Variants in CHIA observed in about 807,000 individuals in gnomAD.
CHIA encodes acidic mammalian chitinase.
CHIA carries 47 observed loss-of-function variants against 53.5 expected under a neutral mutation model. The observed-to-expected ratio is 0.88, with a 90% CI of 0.70 to 1.12. The LOEUF (loss-of-function observed/expected upper bound fraction) is 1.12, where lower values mean the gene tolerates loss of function less well. CHIA is among the 50% of genes most tolerant of loss of function. The pLI, the probability that CHIA is intolerant of heterozygous loss-of-function variation, is 0.00. For synonymous variants in CHIA, 268 were observed against 222.2 expected (o/e 1.21, Z -1.83); for missense variants, 652 against 592.2 (o/e 1.10, Z -1.05).
intron 4 of CHIA, among the ~76,000 whole-genome samples, chr1:111,312,608 A>T (rs1315246243): frequency 6.6e-6 from 1 of 152,232 alleles, no homozygotes; most frequent in Non-Finnish European, 1.5e-5. Flanking sequence ...CAATCGAACT[A>T]TCAACATATG....
At chr1:111,314,924 G>T (rs188718187) in intron 5 of CHIA, 26 of 378,250 alleles carry the variant, frequency 6.9e-5, no homozygotes, top group Admixed American at 3.8e-4. Flanking sequence ...ATCTTCTGGT[G>T]GGGGGAGGAA....
chr1:111,302,614 C>G (rs1444727811), intron 1 of CHIA, among the ~76,000 whole-genome samples: 1 of 152,098 alleles, frequency 6.6e-6, no homozygotes, highest in African/African-American at 2.4e-5. Context: ...GGAGAAGATA[C>G]TTTGTATGAT....
intron 2 of CHIA, 84 bp from the exon 3 acceptor site, chr1:111,311,605 T>C (rs1374749762): frequency 4.6e-6 from 7 of 1,506,492 alleles, no homozygotes; most frequent in Non-Finnish European, 5.5e-6. Flanking sequence ...TTATGGCAAA[T>C]TGGAAGGCAA....
chr1:111,295,858 A>C (rs772104202), intron 1 of CHIA, among the ~76,000 whole-genome samples: 3 of 152,240 alleles, frequency 2.0e-5, no homozygotes, highest in Non-Finnish European at 4.4e-5. Context: ...CTCCCACCCA[A>C]ATACTGTGCT....
chr1:111,296,363 G>A (rs574911938), intron 1 of CHIA, among the ~76,000 whole-genome samples: 3 of 152,312 alleles, frequency 2.0e-5, no homozygotes, highest in African/African-American at 7.2e-5. Context: ...GAAGGATCAG[G>A]CAGCAATATT....
intron 1 of CHIA, among the ~76,000 whole-genome samples, chr1:111,298,537 T>C (rs914462406): frequency 6.6e-6 from 1 of 152,216 alleles, no homozygotes; most frequent in Non-Finnish European, 1.5e-5. Context: ...AGATGTTCTT[T>C]GAAACCAGTA....
At chr1:111,306,353 C>T (rs6682169) in intron 1 of CHIA, among the ~76,000 whole-genome samples, 20,127 of 151,952 alleles carry the variant, frequency 0.13, 1,537 homozygotes, top group African/African-American at 0.19. Flanking sequence ...TTCAAATTAG[C>T]GTGGAAAAGA....
intron 8 of CHIA, 126 bp from the exon 9 acceptor site, chr1:111,318,367 G>GA (rs1457110086): frequency 3.2e-6 from 3 of 949,780 alleles, no homozygotes; most frequent in African/African-American, 3.3e-5. Context: ...AAAATGTTTT[G>GA]AAAAAAATAC....
At chr1:111,312,160 G>A (rs1296632795) in intron 3 of CHIA, 30 bp from the exon 4 acceptor site, 2 of 1,582,680 alleles carry the variant, frequency 1.3e-6, no homozygotes, top group Non-Finnish European at 1.7e-6. Context: ...CCTAAACCAG[G>A]CCATTGTCCC....
intron 1 of CHIA, among the ~76,000 whole-genome samples, chr1:111,297,870 A>G (rs1180781918): frequency 6.6e-5 from 9 of 136,094 alleles, no homozygotes; most frequent in African/African-American, 2.5e-4. Flanking sequence ...AAATAAAGAG[A>G]TGGAGGAAGA....
chr1:111,318,073 C>T lies in CHIA; in HGVS notation c.693C>T (p.Tyr231=), dbSNP rs369614927. 6 of 1,613,566 alleles carry T rather than the reference C, an allele frequency of 3.7e-6. No homozygotes were observed. In the East Asian group the frequency reaches 6.7e-5, roughly 18 times the overall value. ...YTGENSPLYK[Y]PTDTGSNAYL... is the part of the protein sequence containing the mutation. ...GAGAGAACAGCCCCCTCTACAAATA[C>T]CCGACTGACACCGGCAGCAACGCCT... Residue 231 remains tyrosine, a synonymous_variant, in exon 8 of 12, where the codon TAC becomes TAT. Transcript: ENST00000369740.
In CHIA at chr1:111,301,215, C is replaced by T. The variant is rs181484722; in HGVS notation, c.-68-9185C>T. Reference sequence around the variant, plus strand: ...GAACTAGAAATACCATTTGACCCAGCGATCCCATTACTGGGTATATACCCA... The same window carrying T: ...GAACTAGAAATACCATTTGACCCAGTGATCCCATTACTGGGTATATACCCA... On this transcript the variant is annotated intron_variant, in intron 1 of 11. Transcript: ENST00000369740. Among the ~76,000 whole-genome samples, 14 of 152,256 alleles carry T rather than the reference C, an allele frequency of 9.2e-5. No individual in the cohort carries two copies. The East Asian group carries it at 1.4e-3, about 15-fold the overall frequency.
At chr1:111,307,223 TA>T (rs1434026799) in intron 1 of CHIA, among the ~76,000 whole-genome samples, 5 of 152,014 alleles carry the variant, frequency 3.3e-5, no homozygotes, top group African/African-American at 4.8e-5. Context: ...ATAAAAAGGA[TA>T]AGTAAATCAC....
chr1:111,304,579 AT>A (rs900972889), intron 1 of CHIA, among the ~76,000 whole-genome samples: 20 of 152,180 alleles, frequency 1.3e-4, no homozygotes, highest in African/African-American at 4.6e-4. Context: ...TCCAGAATTT[AT>A]TTTCTGTTTT....
intron 1 of CHIA, among the ~76,000 whole-genome samples, chr1:111,306,562 C>A (rs1473715600): frequency 6.6e-6 from 1 of 151,742 alleles, no homozygotes; most frequent in East Asian, 1.9e-4. Flanking sequence ...AATAAGATTC[C>A]AAAAAATCAA....
At position 111,317,799 on chromosome 1, in the gene CHIA, T is replaced by A; in HGVS notation, c.599T>A (p.Leu200Gln). The change falls in exon 7 of 12, where the codon CTG (leucine) becomes CAG (glutamine). Residue 200 changes from leucine (L) to glutamine (Q), a missense_variant. Leu to Gln is a moderately radical substitution (Grantham distance 113). Coordinates refer to ENST00000369740, the MANE Select transcript of CHIA (RefSeq NM_201653.4). Reference sequence around the variant, plus strand: ...CAGTCTGGCTATGAGATCCCCCAACTGTCACAGTGAGTGATGTGCCTTATC... The same window carrying A: ...CAGTCTGGCTATGAGATCCCCCAACAGTCACAGTGAGTGATGTGCCTTATC... ...NIQSGYEIPQ[L>Q]SQYLDYIHVM... 1.9e-6 allele frequency: 3 copies of A among 1,613,676 alleles called. No homozygotes were observed. The highest frequency in any genetic ancestry group is 1.7e-6 in the Non-Finnish European group (2 of 1,180,008).
chr1:111,320,488 C>G lies in CHIA; in HGVS notation c.*22C>G. On this transcript the variant is annotated 3_prime_UTR_variant, in exon 12 of 12. Coordinates refer to ENST00000369740, the MANE Select transcript of CHIA (RefSeq NM_201653.4). ...ATAAACCTGACCTGGTCTATATTCC[C>G]TAGAGTTCCAGTCTCTTTTGCTTAG... 1 of 1,604,062 alleles carries G rather than the reference C, an allele frequency of 6.2e-7. No individual in the cohort carries two copies. Among genetic ancestry groups the G allele is most frequent in the Non-Finnish European group, 8.5e-7 (1 of 1,171,800 alleles).
chr1:111,296,946 G>T (rs1010379483), intron 1 of CHIA, among the ~76,000 whole-genome samples: 2 of 152,198 alleles, frequency 1.3e-5, no homozygotes, highest in Non-Finnish European at 2.9e-5. Flanking sequence ...TTCAGTAGCT[G>T]ATTTGATCAA....
At chr1:111,295,505 C>T (rs1661282611) in intron 1 of CHIA, among the ~76,000 whole-genome samples, 1 of 152,150 alleles carries the variant, frequency 6.6e-6, no homozygotes, top group East Asian at 1.9e-4. Context: ...TCATAAAAGC[C>T]TCATAATCCA....
Sources: allele counts gnomAD v4.1 joint callset (sites outside exome capture counted in the v4.1 genomes callset), GRCh38; gene constraint gnomAD v4.1.1; transcripts MANE v1.5; gene names NCBI Gene and HGNC (gene_info 2026-07-23, HGNC 2026-07-21).